Variants in PCDH11X observed in about 807,000 individuals in gnomAD.
PCDH11X encodes the protein protocadherin 11 X-linked.
A neutral mutation model predicts 53.3 loss-of-function variants in PCDH11X; 18 were observed. That is an observed-to-expected ratio of 0.34 (90% CI 0.23 to 0.50). The LOEUF (loss-of-function observed/expected upper bound fraction) is 0.50, where lower values mean the gene tolerates loss of function less well. Among genes scored for constraint, PCDH11X ranks in the 20% least tolerant of loss-of-function variants. The probability of loss-of-function intolerance (pLI) is 0.98; values close to 1 mark genes in which losing one functional copy is unlikely to be tolerated. For synonymous variants in PCDH11X, 279 were observed against 393.3 expected (o/e 0.71, Z 3.44); for missense variants, 570 against 1,032.4 (o/e 0.55, Z 6.14).
At chrX:92,493,464 TCATA>T (rs1445184806) in intron 10 of PCDH11X, among the ~76,000 whole-genome samples, 3 of 97,115 alleles carry the variant, frequency 3.1e-5, no homozygotes, top group Non-Finnish European at 6.0e-5. Flanking sequence ...ACAGGGCAGT[TCATA>T]CATCTTTTTT....
At chrX:92,054,820 C>CA (rs1174448342) in intron 6 of PCDH11X, among the ~76,000 whole-genome samples, 2,442 of 24,957 alleles carry the variant, frequency 0.098, 208 homozygotes, top group East Asian at 0.38. Context: ...AACTCTGTCT[C>CA]AAAAAAAAAA....
chrX:92,102,335 C>T (rs2064276267), intron 6 of PCDH11X, among the ~76,000 whole-genome samples: 1 of 111,350 alleles, frequency 9.0e-6, no homozygotes, highest in African/African-American at 3.3e-5. Flanking sequence ...CCTCTGTACG[C>T]AGACCTGAGG....
At chrX:92,148,113 TC>T (rs2065348212) in intron 6 of PCDH11X, among the ~76,000 whole-genome samples, 3 of 18,209 alleles carry the variant, frequency 1.6e-4, no homozygotes, top group Admixed American at 1.0e-3. Context: ...TTTCTTTCTT[TC>T]TTTCTTTCTT....
chrX:92,128,227 AAAAT>A (rs2064905799), intron 6 of PCDH11X, among the ~76,000 whole-genome samples: 1 of 106,347 alleles, frequency 9.4e-6, no homozygotes, highest in Non-Finnish European at 2.0e-5. Context: ...ACTGAAAGAG[AAAAT>A]AAATAATTGA....
At chrX:91,850,848 T>C (rs1937967534) in intron 5 of PCDH11X, among the ~76,000 whole-genome samples, 1 of 110,581 alleles carries the variant, frequency 9.0e-6, no homozygotes, top group Non-Finnish European at 1.9e-5. Context: ...AGCCTTGATA[T>C]TCCCAATTAA....
At chrX:92,042,988 C>T (rs1393156587) in intron 6 of PCDH11X, among the ~76,000 whole-genome samples, 1 of 109,743 alleles carries the variant, frequency 9.1e-6, no homozygotes, top group Admixed American at 9.9e-5. Context: ...TTTATTATAC[C>T]ATTGTAGGTA....
At chrX:92,434,622 C>A (rs1329316583) in intron 9 of PCDH11X, among the ~76,000 whole-genome samples, 2 of 107,872 alleles carry the variant, frequency 1.9e-5, no homozygotes, top group Non-Finnish European at 3.8e-5. Context: ...GCTCACAGTA[C>A]CCTCCAACTC....
intron 6 of PCDH11X, among the ~76,000 whole-genome samples, chrX:92,154,368 C>T (rs768696728): frequency 9.1e-6 from 1 of 110,058 alleles, no homozygotes; most frequent in East Asian, 2.8e-4. Context: ...TCAGTAGTTA[C>T]TCTTTGTCTT....
At chrX:92,104,176 G>C (rs747224974) in intron 6 of PCDH11X, among the ~76,000 whole-genome samples, 2 of 111,005 alleles carry the variant, frequency 1.8e-5, no homozygotes, top group Non-Finnish European at 3.8e-5. Context: ...TGCTAGTCAC[G>C]GAATGAAACT....
At chrX:91,922,134 A>G (rs953728951) in intron 6 of PCDH11X, among the ~76,000 whole-genome samples, 17 of 111,808 alleles carry the variant, frequency 1.5e-4, no homozygotes, top group African/African-American at 4.5e-4. Context: ...TTTTTATTAA[A>G]TTAGACATTT....
chrX:92,270,719 A>C (rs911156928), intron 8 of PCDH11X, among the ~76,000 whole-genome samples: 1 of 111,888 alleles, frequency 8.9e-6, no homozygotes, highest in African/African-American at 3.3e-5. Flanking sequence ...AGTCAATTAT[A>C]TATTATTCTC....
chrX:92,398,877 A>G (rs1281080505), intron 9 of PCDH11X, among the ~76,000 whole-genome samples: 1 of 110,457 alleles, frequency 9.1e-6, no homozygotes, highest in African/African-American at 3.3e-5. Flanking sequence ...TTGTCTGCAT[A>G]TATACATATA....
intron 8 of PCDH11X, among the ~76,000 whole-genome samples, chrX:92,264,067 A>T (rs2067773097): frequency 8.9e-6 from 1 of 112,060 alleles, no homozygotes; most frequent in Non-Finnish European, 1.9e-5. Flanking sequence ...AATCTTAAAG[A>T]TGAATTATCT....
chrX:91,891,622 T>C (rs937916238), intron 6 of PCDH11X, among the ~76,000 whole-genome samples: 4 of 106,399 alleles, frequency 3.8e-5, no homozygotes, highest in South Asian at 4.3e-4. Context: ...TGGTATCATT[T>C]ATGAACCACT....
intron 6 of PCDH11X, among the ~76,000 whole-genome samples, chrX:91,984,757 G>A (rs1035138759): frequency 9.0e-6 from 1 of 111,631 alleles, no homozygotes; most frequent in Non-Finnish European, 1.9e-5. Flanking sequence ...CCCATCCAGA[G>A]ACCAGACTAA....
intron 8 of PCDH11X, among the ~76,000 whole-genome samples, chrX:92,368,631 A>G (rs1468377105): frequency 9.0e-6 from 1 of 111,609 alleles, no homozygotes; most frequent in Non-Finnish European, 1.9e-5. Context: ...ACCTTCATGG[A>G]TTTATCTACC....
intron 9 of PCDH11X, among the ~76,000 whole-genome samples, chrX:92,417,037 A>G (rs2071830160): frequency 9.0e-6 from 1 of 110,541 alleles, no homozygotes; most frequent in Non-Finnish European, 1.9e-5. Flanking sequence ...AGGTGGGTGG[A>G]TGACTGTCAG....
chrX:91,862,007 A>T (rs948973113), intron 5 of PCDH11X, among the ~76,000 whole-genome samples: 45 of 109,411 alleles, frequency 4.1e-4, no homozygotes, highest in Non-Finnish European at 6.7e-4. Context: ...CCTGCATCTA[A>T]TCAGCTTTCT....
At chrX:92,540,647 A>G (rs1364082370) in intron 10 of PCDH11X, among the ~76,000 whole-genome samples, 1 of 105,084 alleles carries the variant, frequency 9.5e-6, no homozygotes, top group Admixed American at 1.1e-4. Context: ...TGTAGCCAGC[A>G]CCGCTGGGAA....
Sources: allele counts gnomAD v4.1 joint callset (sites outside exome capture counted in the v4.1 genomes callset), GRCh38; gene constraint gnomAD v4.1.1; transcripts MANE v1.5; gene names NCBI Gene and HGNC (gene_info 2026-07-23, HGNC 2026-07-21).